The following GRM3 variants were observed in gnomAD, a reference collection of about 807,000 sequenced individuals.
GRM3 encodes the protein metabotropic glutamate receptor 3.
Under a neutral mutation model 70.5 loss-of-function variants are expected in GRM3, and 26 were observed. The observed-to-expected ratio is 0.37, with a 90% confidence interval of 0.27 to 0.51. The LOEUF is 0.51. Among genes scored for constraint, GRM3 ranks in the 20% least tolerant of loss-of-function variants. The pLI, the probability that GRM3 is intolerant of heterozygous loss-of-function variation, is 0.93. For synonymous variants in GRM3, 443 were observed against 434.9 expected (o/e 1.02, Z -0.23); for missense variants, 859 against 1,123.8 (o/e 0.76, Z 3.37).
intron 1 of GRM3, among the ~76,000 whole-genome samples, chr7:86,758,914 G>T (rs918978345): frequency 6.6e-6 from 1 of 151,898 alleles, no homozygotes. Flanking sequence ...ACATACCCAG[G>T]GTTCTTGGGT....
Position 86,644,620 on chromosome 7 carries a change from C to T in GRM3, c.-393C>T, listed in dbSNP as rs1183180455. The T allele has an allele frequency of 2.3e-5, 10 of 444,432 alleles. No homozygotes were observed. Among genetic ancestry groups the T allele is most frequent in the South Asian group, 1.3e-4 (8 of 60,082 alleles). The allele number at this position is 444,432 out of a possible 1,614,324, so 27.5% of individuals were successfully genotyped here. On this transcript the variant is annotated 5_prime_UTR_variant, in exon 1 of 6. Coordinates refer to ENST00000361669, the MANE Select transcript of GRM3 (RefSeq NM_000840.3). ...CTCGGATGCCTGGATGTTCTGCCACCGGGCAGTGGTCCAGCGTGCAGCCGG... is the reference window on the plus strand; with the variant it reads ...CTCGGATGCCTGGATGTTCTGCCACTGGGCAGTGGTCCAGCGTGCAGCCGG...
chr7:86,720,342 T>G (rs1795427685), intron 1 of GRM3, among the ~76,000 whole-genome samples: 2 of 152,012 alleles, frequency 1.3e-5, no homozygotes, highest in South Asian at 4.1e-4. Context: ...TGGGGCATGT[T>G]GTACTTCAGG....
In GRM3 at chr7:86,838,044, G is replaced by T. The variant is rs538508200; in HGVS notation, c.1325-795G>T. On this transcript the variant is annotated intron_variant, in intron 3 of 5. Transcript: ENST00000361669. ...TATGCTCAGAGCTTCTGCTCTTAGG[G>T]ACTTGCAGAATCCTGTAAAAAAGAG... 9.2e-5 allele frequency among the ~76,000 whole-genome samples: 14 copies of T among 152,238 alleles called. No individual in the cohort carries two copies. The South Asian group carries it at 2.9e-3, about 32-fold the overall frequency.
intron 2 of GRM3, among the ~76,000 whole-genome samples, chr7:86,769,843 A>C (rs1405741350): frequency 1.3e-5 from 2 of 152,164 alleles, no homozygotes. Flanking sequence ...TAACATCAAA[A>C]TCCTTCTATA....
intron 1 of GRM3, among the ~76,000 whole-genome samples, chr7:86,686,206 C>T (rs367743212): frequency 2.0e-5 from 3 of 152,066 alleles, no homozygotes; most frequent in Non-Finnish European, 2.9e-5. Context: ...AAGACATATG[C>T]TTTCAGTGGG....
intron 1 of GRM3, among the ~76,000 whole-genome samples, chr7:86,758,279 TTCC>T (rs1395026736): frequency 6.6e-6 from 1 of 152,154 alleles, no homozygotes; most frequent in African/African-American, 2.4e-5. Context: ...AAAAATGGTA[TTCC>T]TCCATTTCTG....
intron 1 of GRM3, among the ~76,000 whole-genome samples, chr7:86,702,719 T>C (rs1236528698): frequency 6.6e-6 from 1 of 151,960 alleles, no homozygotes; most frequent in African/African-American, 2.4e-5. Flanking sequence ...TCATTTTTCT[T>C]TTTGTTGTTT....
intron 2 of GRM3, among the ~76,000 whole-genome samples, chr7:86,769,322 C>T (rs1791900529): frequency 6.6e-6 from 1 of 152,156 alleles, no homozygotes; most frequent in African/African-American, 2.4e-5. Flanking sequence ...GAACCTGTCA[C>T]ATAATTTTAA....
intron 3 of GRM3, among the ~76,000 whole-genome samples, chr7:86,801,741 C>T (rs1207377044): frequency 6.6e-6 from 1 of 152,020 alleles, no homozygotes; most frequent in Non-Finnish European, 1.5e-5. Context: ...TATTTAGATA[C>T]AAAAGAGGGA....
chr7:86,732,020 C>T (rs6465083), intron 1 of GRM3, among the ~76,000 whole-genome samples: 58,828 of 151,978 alleles, frequency 0.39, 13,718 homozygotes, highest in African/African-American at 0.66. Flanking sequence ...AATTTATAAA[C>T]ACTGAATAAA....
At chr7:86,736,618 T>C (rs1468634265) in intron 1 of GRM3, among the ~76,000 whole-genome samples, 1 of 152,162 alleles carries the variant, frequency 6.6e-6, no homozygotes, top group Non-Finnish European at 1.5e-5. Context: ...CTCTGCCATC[T>C]TCCACATGTG....
chr7:86,699,750 A>G (rs1232056289), intron 1 of GRM3, among the ~76,000 whole-genome samples: 3 of 152,036 alleles, frequency 2.0e-5, no homozygotes, highest in Non-Finnish European at 4.4e-5. Context: ...TTTTGAAGTA[A>G]CTTGGTCAAG....
intron 3 of GRM3, among the ~76,000 whole-genome samples, chr7:86,823,659 A>T (rs1430123592): frequency 6.8e-6 from 1 of 146,194 alleles, no homozygotes; most frequent in Non-Finnish European, 1.5e-5. Context: ...TTAGTGCCCA[A>T]ATCCTACTTT....
In GRM3 at chr7:86,786,285, C is replaced by A; in HGVS notation, c.493C>A (p.Gln165Lys). The change falls in exon 3 of 6, where the codon CAG (glutamine) becomes AAG (lysine). Residue 165 changes from glutamine (Q) to lysine (K), a missense_variant. Transcript: ENST00000361669. This position sits in a 1 kb window ranked among gnomAD's most constrained non-coding sequence, Gnocchi z 6.0. ...GGTGGCAAACCTGCTGCGGCTCTTC[C>A]AGATCCCTCAGATCAGCTACGCATC... ...IQVANLLRLF[Q>K]IPQISYASTS... is the part of the protein sequence containing the mutation. 6.2e-7 allele frequency: 1 copy of A among 1,613,530 alleles called. No homozygotes were observed. Among genetic ancestry groups the A allele is most frequent in the East Asian group, 2.2e-5 (1 of 44,864 alleles).
At chr7:86,797,882 C>T (rs576549568) in intron 3 of GRM3, among the ~76,000 whole-genome samples, 4 of 152,284 alleles carry the variant, frequency 2.6e-5, no homozygotes, top group East Asian at 1.9e-4. Flanking sequence ...TCTCAGGACT[C>T]GGTGCCTGCA....
chr7:86,695,357 G>A (rs1391784913), intron 1 of GRM3, among the ~76,000 whole-genome samples: 1 of 152,056 alleles, frequency 6.6e-6, no homozygotes, highest in Admixed American at 6.6e-5. Flanking sequence ...ATAATCCCTA[G>A]AATTAAAATC....
At chr7:86,745,576 A>C (rs1796082829) in intron 1 of GRM3, among the ~76,000 whole-genome samples, 1 of 152,118 alleles carries the variant, frequency 6.6e-6, no homozygotes, top group African/African-American at 2.4e-5. Flanking sequence ...ATTACAACAT[A>C]ATGTGAATGA....
intron 1 of GRM3, among the ~76,000 whole-genome samples, chr7:86,700,432 T>C (rs1403305973): frequency 6.6e-6 from 1 of 151,910 alleles, no homozygotes; most frequent in Non-Finnish European, 1.5e-5. Flanking sequence ...AATGAGAGCC[T>C]ACAATCTTAC....
intron 1 of GRM3, among the ~76,000 whole-genome samples, chr7:86,658,078 T>C (rs555707198): frequency 2.0e-4 from 30 of 152,308 alleles, no homozygotes; most frequent in South Asian, 4.1e-4. Flanking sequence ...TGGCTATTAT[T>C]TGATTGCATT....
Sources: gnomAD v4.1 joint callset for allele counts (sites outside exome capture counted in the v4.1 genomes callset) on GRCh38, gnomAD v4.1.1 for gene constraint, Gnocchi (gnomAD v3.1) non-coding constraint, MANE v1.5 for transcripts, NCBI Gene and HGNC (gene_info 2026-07-23, HGNC 2026-07-21) for gene names.